NUP210L: variants seen among roughly 807,000 people sequenced by gnomAD.
NUP210L encodes nuclear pore membrane glycoprotein 210-like.
Under a neutral mutation model 208.5 loss-of-function variants are expected in NUP210L, and 74 were observed. The ratio of observed to expected loss-of-function variants is 0.35; its 90% CI spans 0.29 to 0.43. The LOEUF (loss-of-function observed/expected upper bound fraction) is 0.43. NUP210L is among the 20% of genes least tolerant of loss of function. NUP210L has a pLI of 1.00. For synonymous variants in NUP210L, 780 were observed against 816.9 expected, an observed-to-expected ratio of 0.95 and a Z score of 0.77; for missense variants, 1,843 against 2,289.4, an observed-to-expected ratio of 0.81 and a Z score of 3.98.
At chr1:154,132,623 A>G (rs1658314650) in intron 7 of NUP210L, among the ~76,000 whole-genome samples, 1 of 152,162 alleles carries the variant, frequency 6.6e-6, no homozygotes, top group African/African-American at 2.4e-5. Context: ...GATACTTTGG[A>G]AAAAAATAAC....
chr1:154,088,073 C>A (rs1655718131), intron 16 of NUP210L, among the ~76,000 whole-genome samples: 1 of 152,154 alleles, frequency 6.6e-6, no homozygotes, highest in Non-Finnish European at 1.5e-5. Context: ...CGCGGTAGCT[C>A]ACGCCTCTAA....
At chr1:154,107,159 T>C (rs1291594415) in intron 12 of NUP210L, among the ~76,000 whole-genome samples, 1 of 151,970 alleles carries the variant, frequency 6.6e-6, no homozygotes, top group Non-Finnish European at 1.5e-5. Flanking sequence ...AACAAAGATA[T>C]TGAAATAATT....
rs575362694 is a variant in NUP210L at position 154,017,619 on chromosome 1, C to T, written c.4653+1314G>A. 1.3e-4 allele frequency among the ~76,000 whole-genome samples: 20 copies of T among 149,348 alleles called. No homozygotes were observed. The South Asian group carries it at 2.3e-3, about 18-fold the overall frequency. Reference sequence around the variant, plus strand: ...GCAACCTCTGCCTCCTGGGTTCAAGCGATTCTCCTACCTCAGCCTCCTGAG... The same window carrying T: ...GCAACCTCTGCCTCCTGGGTTCAAGTGATTCTCCTACCTCAGCCTCCTGAG... On this transcript the variant is annotated intron_variant, in intron 33 of 39. Transcript: ENST00000368559.
In NUP210L at chr1:154,149,087, C is replaced by CTTTTTTTTTTTTTTTTTT. The variant is rs770217261; in HGVS notation, c.340+3648_340+3649insAAAAAAAAAAAAAAAAAA. Among the ~76,000 whole-genome samples, 180 of 119,278 alleles carry CTTTTTTTTTTTTTTTTTT rather than the reference C, an allele frequency of 1.5e-3. 11 individuals carry two copies. The highest frequency in any genetic ancestry group is 2.0e-3 in the Non-Finnish European group (118 of 58,408). The allele number at this position is 119,278 out of a possible 152,430, so 78.3% of individuals were successfully genotyped here. A position where few individuals can be genotyped will look rare whatever the true frequency, so the allele number is the denominator to read the frequency against. ...ACTACTTCAACAGCAGAAAACTTCT[C>CTTTTTTTTTTTTTTTTTT]TTTTTTTTTTTTCCTGAGAAGGAGT... On this transcript the variant is annotated intron_variant, in intron 2 of 39. Coordinates refer to ENST00000368559, the Ensembl canonical transcript of NUP210L.
At chr1:153,994,971 C>A in intron 38 of NUP210L, 105 bp downstream of exon 38, 1 of 660,912 alleles carries the variant, frequency 1.5e-6, no homozygotes. Context: ...AAGATTGCGC[C>A]ACTGCACTCC....
chr1:154,055,750 C>T (rs1333450414), intron 23 of NUP210L, among the ~76,000 whole-genome samples: 1 of 151,980 alleles, frequency 6.6e-6, no homozygotes, highest in Non-Finnish European at 1.5e-5. Context: ...AAGTTACACA[C>T]AAAGATATGT....
intron 16 of NUP210L, among the ~76,000 whole-genome samples, chr1:154,088,706 T>C (rs1655748991): frequency 6.6e-6 from 1 of 152,214 alleles, no homozygotes; most frequent in South Asian, 2.1e-4. Flanking sequence ...TGTGTTCCTT[T>C]CTAGCTTTAT....
At chr1:154,103,747 A>G (rs1485158911) in intron 13 of NUP210L, among the ~76,000 whole-genome samples, 1 of 152,018 alleles carries the variant, frequency 6.6e-6, no homozygotes, top group East Asian at 1.9e-4. Flanking sequence ...CAAACAAAAA[A>G]CTGATATTGG....
intron 35 of NUP210L, among the ~76,000 whole-genome samples, chr1:154,007,072 C>T (rs1444169001): frequency 6.8e-6 from 1 of 147,816 alleles, no homozygotes; most frequent in African/African-American, 2.5e-5. Flanking sequence ...AATCGATTCT[C>T]CTGCCTCAGC....
At chr1:154,051,993 A>G (rs1653527386) in intron 25 of NUP210L, among the ~76,000 whole-genome samples, 1 of 152,260 alleles carries the variant, frequency 6.6e-6, no homozygotes, top group Non-Finnish European at 1.5e-5. Flanking sequence ...ACCTCTCCCT[A>G]AAATAGCAGT....
chr1:154,130,785 A>G (rs1658208316), intron 7 of NUP210L, among the ~76,000 whole-genome samples: 1 of 151,522 alleles, frequency 6.6e-6, no homozygotes, highest in Admixed American at 6.6e-5. Context: ...GGGTCTCACT[A>G]TGTTGCCTAG....
intron 34 of NUP210L, among the ~76,000 whole-genome samples, chr1:154,010,996 C>G (rs943467571): frequency 1.4e-4 from 22 of 151,940 alleles, no homozygotes; most frequent in African/African-American, 5.3e-4. Context: ...AATTCAAGCC[C>G]CAAATCCCTA....
intron 36 of NUP210L, among the ~76,000 whole-genome samples, chr1:154,001,422 T>A (rs567143615): frequency 6.6e-6 from 1 of 152,320 alleles, no homozygotes; most frequent in Non-Finnish European, 1.5e-5. Context: ...GGTCTTGATC[T>A]GTTGACCTTG....
chr1:154,123,878 T>C (rs1454887190), intron 10 of NUP210L, among the ~76,000 whole-genome samples: 1 of 134,716 alleles, frequency 7.4e-6, no homozygotes, highest in African/African-American at 2.8e-5. Context: ...ACTGTCTCAA[T>C]TAAAAAAAAA....
At chr1:154,139,944 T>G (rs1658752612) in exon 5 of NUP210L, 1 of 1,606,938 alleles carries the variant, frequency 6.2e-7, no homozygotes, top group Non-Finnish European at 8.5e-7. Flanking sequence ...TTCGGAGTAT[T>G]TAAGAATCCT....
chr1:154,009,354 C>G (rs1213471691), intron 35 of NUP210L, among the ~76,000 whole-genome samples: 1 of 152,020 alleles, frequency 6.6e-6, no homozygotes, highest in Admixed American at 6.6e-5. Flanking sequence ...ACAAAACATC[C>G]AAACACTGTG....
At chr1:153,998,484 G>A (rs1314404680) in intron 37 of NUP210L, among the ~76,000 whole-genome samples, 2 of 150,894 alleles carry the variant, frequency 1.3e-5, no homozygotes, top group Non-Finnish European at 2.9e-5. Flanking sequence ...GAACCTGGGA[G>A]TGGAGGTTGC....
chr1:153,993,432 G>C (rs1649601723), intron 38 of NUP210L, among the ~76,000 whole-genome samples: 2 of 152,088 alleles, frequency 1.3e-5, no homozygotes, highest in Admixed American at 1.3e-4. Context: ...TGGGCGTGTT[G>C]GCGGGTGCCT....
At chr1:154,122,765 T>C (rs1467951671) in intron 10 of NUP210L, among the ~76,000 whole-genome samples, 1 of 151,730 alleles carries the variant, frequency 6.6e-6, no homozygotes, top group Non-Finnish European at 1.5e-5. Context: ...GAAAACAGTA[T>C]GGCAGTTCCA....
Sources: gnomAD v4.1 joint callset for allele counts (sites outside exome capture counted in the v4.1 genomes callset) on GRCh38, gnomAD v4.1.1 for gene constraint, MANE v1.5 for transcripts, NCBI Gene and HGNC (gene_info 2026-07-23, HGNC 2026-07-21) for gene names.